The following ZBTB46 variants were observed in gnomAD, a reference collection of about 807,000 sequenced individuals.
ZBTB46 encodes the protein zinc finger and BTB domain-containing protein 46.
Under a neutral mutation model 44.1 loss-of-function variants are expected in ZBTB46, and 8 were observed. The observed-to-expected ratio is 0.18, with a 90% CI of 0.11 to 0.33. The LOEUF is 0.33. Ranked by LOEUF, ZBTB46 falls within the 10% of genes least tolerant of loss-of-function variation. The pLI, the probability that ZBTB46 is intolerant of heterozygous loss-of-function variation, is 1.00. For synonymous variants in ZBTB46, 409 were observed against 382.3 expected (o/e 1.07, Z -0.81); for missense variants, 651 against 847.7 (o/e 0.77, Z 2.88).
Position 63,803,248 on chromosome 20 carries a change from A to G in ZBTB46, c.-33-12458T>C, listed in dbSNP as rs143470792. On this transcript the variant is annotated intron_variant, in intron 1 of 4. Transcript: ENST00000245663. This position sits in a 1 kb window ranked among gnomAD's most constrained non-coding sequence, Gnocchi z 4.0. The stretch of plus-strand genomic sequence containing the variant: ...CACCTCCCCTCACACCAAGGCGTTC[A>G]TGGTTTACCTTCTTCTGAAAAAATT... The G allele has an allele frequency of 6.8e-4, 649 of 955,358 alleles. 2 individuals are homozygous for G. In the African/African-American group the frequency reaches 0.01, roughly 15 times the overall value. The allele number at this position is 955,358 out of a possible 1,614,324, so 59.2% of individuals were successfully genotyped here. A position where few individuals can be genotyped will look rare whatever the true frequency, so the allele number is the denominator to read the frequency against.
At chr20:63,748,485 G>A (rs548132450) in intron 4 of ZBTB46, among the ~76,000 whole-genome samples, 15 of 152,312 alleles carry the variant, frequency 9.8e-5, no homozygotes, top group African/African-American at 3.1e-4. Context: ...ACCCACTCAC[G>A]GGCACCCTCG....
chr20:63,782,168 ATG>A (rs2092476101), intron 2 of ZBTB46, among the ~76,000 whole-genome samples: 2 of 149,168 alleles, frequency 1.3e-5, no homozygotes, highest in Non-Finnish European at 3.0e-5. Context: ...TGGTGAGCCA[ATG>A]ACTCCTGCAG....
Position 63,803,993 on chromosome 20 carries a change from C to T in ZBTB46, c.-33-13203G>A, listed in dbSNP as rs1022899008. ...GGATGATAGGCGTGAGCCACTGCACCGACATAACGTCACTTCCTTCTGTCG... is the reference window on the plus strand; with the variant it reads ...GGATGATAGGCGTGAGCCACTGCACTGACATAACGTCACTTCCTTCTGTCG... On this transcript the variant is annotated intron_variant, in intron 1 of 4. Transcript: ENST00000245663. The surrounding 1 kb of genome is among the most constrained non-coding windows in gnomAD (Gnocchi z 4.0). 1.3e-5 allele frequency among the ~76,000 whole-genome samples: 2 copies of T among 152,216 alleles called. No homozygotes were observed. The highest frequency in any genetic ancestry group is 2.1e-4 in the South Asian group (1 of 4,832).
intron 4 of ZBTB46, among the ~76,000 whole-genome samples, chr20:63,747,843 G>A (rs1166305120): frequency 6.6e-6 from 1 of 152,160 alleles, no homozygotes; most frequent in Non-Finnish European, 1.5e-5. Flanking sequence ...AGGCCCCCTG[G>A]GTTGACACAC....
intron 2 of ZBTB46, among the ~76,000 whole-genome samples, chr20:63,785,378 T>C (rs894002860): frequency 9.9e-5 from 15 of 151,572 alleles, no homozygotes; most frequent in African/African-American, 3.6e-4. Context: ...CTGGCCAATA[T>C]GGTGAAACCC....
intron 1 of ZBTB46, among the ~76,000 whole-genome samples, chr20:63,792,926 G>T (rs2092572541): frequency 6.6e-6 from 1 of 152,230 alleles, no homozygotes; most frequent in African/African-American, 2.4e-5. Flanking sequence ...TCAGGGTCCT[G>T]GGCCATCCCC....
At chr20:63,757,688 T>C (rs2092233368) in intron 3 of ZBTB46, among the ~76,000 whole-genome samples, 2 of 152,160 alleles carry the variant, frequency 1.3e-5, no homozygotes, top group South Asian at 4.1e-4. Context: ...TATTTCCAGG[T>C]TTCTGATGCC....
At position 63,774,511 on chromosome 20, in the gene ZBTB46, G is replaced by A. The variant is rs546271406; in HGVS notation, c.1222+1167C>T. ...CGCCTGGACCCCAGCCGCGGAGGTG[G>A]GGGCATCTCATGCCGGACTCGCTCC... is the stretch of plus-strand genomic sequence containing the variant. On this transcript the variant is annotated intron_variant, in intron 3 of 4. Coordinates refer to ENST00000245663, the MANE Select transcript of ZBTB46 (RefSeq NM_001369741.1). Among the ~76,000 whole-genome samples, 9 of 152,080 alleles carry A rather than the reference G, an allele frequency of 5.9e-5. No individual in the cohort carries two copies. The South Asian group carries it at 1.9e-3, about 32-fold the overall frequency.
rs755017 is a variant in ZBTB46 at position 63,790,269 on chromosome 20, A to C, written c.489T>G (p.Ala163=). 4 of 1,611,766 alleles carry C rather than the reference A, an allele frequency of 2.5e-6. No homozygotes were observed. The highest frequency in any genetic ancestry group is 3.4e-6 in the Non-Finnish European group (4 of 1,179,416). ...STEALISAVM[A]GRSISPWLAR... is the part of the protein sequence containing the mutation. ...CCAGCCACGGGGAGATGCTCCTCCC[A>C]GCCATCACGGCCGAGATGAGAGCTT... is the stretch of plus-strand genomic sequence containing the variant. The change falls in exon 2 of 5, where the codon GCT becomes GCG. Residue 163 remains alanine, a synonymous_variant. Coordinates refer to ENST00000245663, the MANE Select transcript of ZBTB46 (RefSeq NM_001369741.1).
intron 1 of ZBTB46, among the ~76,000 whole-genome samples, chr20:63,812,031 C>T (rs1016580213): frequency 6.6e-6 from 1 of 152,168 alleles, no homozygotes; most frequent in Non-Finnish European, 1.5e-5. Flanking sequence ...GGCTTTAGTG[C>T]TGACCCACCA....
rs1469122504 is a variant in ZBTB46, at chr20:63,790,767, C to T, written c.-10G>A. On this transcript the variant is annotated 5_prime_UTR_variant, in exon 2 of 5. Transcript: ENST00000245663. ...CCTTTCGGTTGTTCATTTGGAAGCC[C>T]TGGTGTCGCCTCTTCTACAGACTCT... The T allele has an allele frequency of 6.3e-7, 1 of 1,588,950 alleles. No individual in the cohort carries two copies. The highest frequency in any genetic ancestry group is 1.7e-5 in the Admixed American group (1 of 59,038).
At chr20:63,808,530 C>G (rs2092697022) in intron 1 of ZBTB46, among the ~76,000 whole-genome samples, 1 of 152,136 alleles carries the variant, frequency 6.6e-6, no homozygotes, top group Non-Finnish European at 1.5e-5. Flanking sequence ...GGCCTGGGCT[C>G]CGGGGCAGTG....
Position 63,745,881 on chromosome 20 carries a change from T to C in ZBTB46, c.*1049A>G, listed in dbSNP as rs1047305682. 1 of 152,478 alleles carries C rather than the reference T, an allele frequency of 6.6e-6. No homozygotes were observed. The highest frequency in any genetic ancestry group is 2.4e-5 in the African/African-American group (1 of 41,448). The allele number at this position is 152,478 out of a possible 1,614,324, so 9.4% of individuals were successfully genotyped here. On this transcript the variant is annotated 3_prime_UTR_variant, in exon 5 of 5. Coordinates refer to ENST00000245663, the MANE Select transcript of ZBTB46 (RefSeq NM_001369741.1). ...ACAGCAAGAGGACTTGAGCACAAGC[T>C]AAAGGAAAAACAACCCTATATAGTT...
At chr20:63,782,634 C>A (rs1010377116) in intron 2 of ZBTB46, among the ~76,000 whole-genome samples, 8 of 152,208 alleles carry the variant, frequency 5.3e-5, no homozygotes, top group African/African-American at 1.7e-4. Flanking sequence ...GACACCCAAA[C>A]GCCCACATCC....
chr20:63,806,622 T>C (rs1181629553), intron 1 of ZBTB46, among the ~76,000 whole-genome samples: 3 of 152,090 alleles, frequency 2.0e-5, no homozygotes, highest in Non-Finnish European at 4.4e-5. Flanking sequence ...TCTTTCTCTT[T>C]TTTTGAGATG....
chr20:63,745,828 G>C lies in ZBTB46; in HGVS notation c.*1102C>G, dbSNP rs868609851. ...GACCTTTGCTTTTCACTCAGGAAAAGAAAGAACATGTGAGTGCTTCTGAAA... is the reference window on the plus strand; with the variant it reads ...GACCTTTGCTTTTCACTCAGGAAAACAAAGAACATGTGAGTGCTTCTGAAA... On this transcript the variant is annotated 3_prime_UTR_variant, in exon 5 of 5. Coordinates refer to ENST00000245663, the MANE Select transcript of ZBTB46 (RefSeq NM_001369741.1). The C allele has an allele frequency of 1.9e-4, 29 of 152,408 alleles. No individual in the cohort carries two copies. Among genetic ancestry groups the C allele is most frequent in the African/African-American group, 6.5e-4 (27 of 41,464 alleles). The allele number at this position is 152,408 out of a possible 1,614,324, so 9.4% of individuals were successfully genotyped here.
intron 3 of ZBTB46, 87 bp downstream of exon 3, chr20:63,775,591 A>C: frequency 1.4e-6 from 2 of 1,464,610 alleles, no homozygotes; most frequent in Non-Finnish European, 9.1e-7. Context: ...ACAGACCCTC[A>C]GCCTCATCTC....
rs529269411 is a variant in ZBTB46 at position 63,817,729 on chromosome 20, AAAGG to A, written c.-34+13364_-34+13367del. 4.0e-3 allele frequency among the ~76,000 whole-genome samples: 607 copies of A among 151,892 alleles called. 2 individuals carry two copies. The highest frequency in any genetic ancestry group is 6.9e-3 in the Non-Finnish European group (471 of 67,876). ...AGACTCTGTCTCAAAAAAAAAAAAA[AAAGG>A]AAGAAGAAGAAAGAAGAGGAAAAAA... On this transcript the variant is annotated intron_variant, in intron 1 of 4. Transcript: ENST00000245663.
chr20:63,828,265 A>G (rs1295303369), intron 1 of ZBTB46, among the ~76,000 whole-genome samples: 2 of 152,390 alleles, frequency 1.3e-5, no homozygotes, highest in East Asian at 3.8e-4. Flanking sequence ...CATGGACCCC[A>G]TGGCCTAAGA....
Sources: gnomAD v4.1 joint callset for allele counts (sites outside exome capture counted in the v4.1 genomes callset) on GRCh38, gnomAD v4.1.1 for gene constraint, Gnocchi (gnomAD v3.1) non-coding constraint, MANE v1.5 for transcripts, NCBI Gene and HGNC (gene_info 2026-07-23, HGNC 2026-07-21) for gene names.